Variants in CHRM3 observed in about 807,000 individuals in gnomAD.
The protein encoded by CHRM3 is cholinergic receptor muscarinic 3.
In CHRM3, 11 loss-of-function variants were observed where a neutral mutation model predicts 41.8. That is an observed-to-expected ratio of 0.26 (90% CI 0.17 to 0.44). The LOEUF (loss-of-function observed/expected upper bound fraction) is 0.44. Among genes scored for constraint, CHRM3 ranks in the 20% least tolerant of loss-of-function variants. CHRM3 has a pLI of 1.00. For missense variants in CHRM3, 571 were observed against 745.4 expected (o/e 0.77, Z 2.72); for synonymous variants, 297 against 301.4 (o/e 0.99, Z 0.15).
chr1:239,790,319 C>T (rs1237479686), intron 5 of CHRM3, among the ~76,000 whole-genome samples: 2 of 152,130 alleles, frequency 1.3e-5, no homozygotes, highest in African/African-American at 2.4e-5. Flanking sequence ...TGTGTCGCCA[C>T]CAAATTCTCA....
chr1:239,544,138 T>C (rs1017893769), intron 2 of CHRM3, among the ~76,000 whole-genome samples: 1 of 152,236 alleles, frequency 6.6e-6, no homozygotes, highest in Non-Finnish European at 1.5e-5. Flanking sequence ...CTGCTTTTTC[T>C]GCAGAGTAAA....
At chr1:239,843,827 T>C (rs1460738275) in intron 6 of CHRM3, among the ~76,000 whole-genome samples, 1 of 152,036 alleles carries the variant, frequency 6.6e-6, no homozygotes, top group Non-Finnish European at 1.5e-5. Context: ...TTAGAGGAGA[T>C]TGTTTGCCAA....
intron 2 of CHRM3, among the ~76,000 whole-genome samples, chr1:239,510,579 C>T (rs543651413): frequency 1.3e-5 from 2 of 151,736 alleles, no homozygotes; most frequent in East Asian, 3.9e-4. Flanking sequence ...TCTTGTTGCC[C>T]AGGTTGGAGT....
At chr1:239,432,994 T>G (rs1662946818) in intron 1 of CHRM3, among the ~76,000 whole-genome samples, 1 of 152,182 alleles carries the variant, frequency 6.6e-6, no homozygotes, top group Non-Finnish European at 1.5e-5. Flanking sequence ...CCCTACAACT[T>G]TAGCTATCAC....
chr1:239,800,562 T>C (rs1292575664), intron 5 of CHRM3, among the ~76,000 whole-genome samples: 6 of 152,208 alleles, frequency 3.9e-5, no homozygotes, highest in Admixed American at 3.9e-4. Context: ...AGAACAGTTC[T>C]GAGCCTGTTG....
chr1:239,661,778 A>G (rs1225044604), intron 4 of CHRM3, among the ~76,000 whole-genome samples: 5 of 152,182 alleles, frequency 3.3e-5, no homozygotes, highest in African/African-American at 4.8e-5. Context: ...AATGTACAAC[A>G]CGGAGAGTGA....
chr1:239,437,358 T>G (rs1341513633), intron 1 of CHRM3, among the ~76,000 whole-genome samples: 1 of 152,048 alleles, frequency 6.6e-6, no homozygotes, highest in Non-Finnish European at 1.5e-5. Flanking sequence ...TCCCAAAGTG[T>G]TGGGATTATA....
intron 5 of CHRM3, among the ~76,000 whole-genome samples, chr1:239,690,803 G>A (rs1659641723): frequency 6.6e-6 from 1 of 151,794 alleles, no homozygotes; most frequent in Non-Finnish European, 1.5e-5. Flanking sequence ...GTGATATGTA[G>A]TGGCTGAAAA....
intron 5 of CHRM3, among the ~76,000 whole-genome samples, chr1:239,731,323 G>A (rs778454782): frequency 1.3e-3 from 195 of 152,020 alleles, no homozygotes; most frequent in Non-Finnish European, 2.2e-3. Context: ...GGTAGAGGAG[G>A]AGAACATAGC....
chr1:239,595,592 C>A lies in CHRM3; in HGVS notation c.-312-36632C>A, dbSNP rs1351320930. Among the ~76,000 whole-genome samples the A allele has an allele frequency of 2.0e-5, 3 of 152,230 alleles. No individual in the cohort carries two copies. The East Asian group carries it at 5.8e-4, about 29-fold the overall frequency. ...GTGTTATAATAGCATTTTCTAACTTCTCTTTCAATTATCCAATTTGCCAAG... is the reference window on the plus strand; with the variant it reads ...GTGTTATAATAGCATTTTCTAACTTATCTTTCAATTATCCAATTTGCCAAG... On this transcript the variant is annotated intron_variant, in intron 3 of 6. Transcript: ENST00000676153.
In CHRM3 at chr1:239,458,073, A is replaced by G. The variant is rs577568368; in HGVS notation, c.-520-34636A>G. Reference sequence around the variant, plus strand: ...CTGAAGAATTGTAGCTGAAGAAAAAAAAAAGTGTTATCAAGAAGCTTACAT... The same window carrying G: ...CTGAAGAATTGTAGCTGAAGAAAAAGAAAAGTGTTATCAAGAAGCTTACAT... On this transcript the variant is annotated intron_variant, in intron 1 of 6. Transcript: ENST00000676153. Among the ~76,000 whole-genome samples, 22 of 152,314 alleles carry G rather than the reference A, an allele frequency of 1.4e-4. No individual in the cohort carries two copies. In the South Asian group the frequency reaches 4.6e-3, roughly 32 times the overall value.
At chr1:239,744,449 T>C (rs1315160599) in intron 5 of CHRM3, among the ~76,000 whole-genome samples, 4 of 152,028 alleles carry the variant, frequency 2.6e-5, no homozygotes, top group African/African-American at 9.7e-5. Flanking sequence ...GAGGTGATGG[T>C]TGAGCAACAA....
intron 5 of CHRM3, among the ~76,000 whole-genome samples, chr1:239,694,773 A>T (rs188340484): frequency 1.3e-5 from 2 of 152,310 alleles, no homozygotes; most frequent in Admixed American, 1.3e-4. Context: ...TATCACACTA[A>T]TCTTAATCTG....
At chr1:239,548,038 C>G (rs140513696) in intron 3 of CHRM3, among the ~76,000 whole-genome samples, 1 of 152,046 alleles carries the variant, frequency 6.6e-6, no homozygotes, top group African/African-American at 2.4e-5. Flanking sequence ...AAATGTTTCA[C>G]AAAGTGATGG....
In CHRM3 at chr1:239,913,668, C is replaced by T. The variant is rs1680486171; in HGVS notation, c.*4444C>T. 6.0e-6 allele frequency: 1 copy of T among 166,970 alleles called. No individual in the cohort carries two copies. The highest frequency in any genetic ancestry group is 1.9e-4 in the East Asian group (1 of 5,182). 10.3% of individuals were successfully genotyped at this position (166,970 alleles called of 1,614,324 possible). A position where few individuals can be genotyped will look rare whatever the true frequency, so the allele number is the denominator to read the frequency against. On this transcript the variant is annotated 3_prime_UTR_variant, in exon 7 of 7. Transcript: ENST00000676153. ...CCTTTTCTGGCTTTAGTGTTAATGT[C>T]TGGGAAGGGAGGCTCATGATAAGAA...
intron 5 of CHRM3, among the ~76,000 whole-genome samples, chr1:239,743,055 A>G (rs1387246087): frequency 2.0e-5 from 3 of 152,160 alleles, no homozygotes; most frequent in African/African-American, 7.2e-5. Context: ...GCCCAAAGTA[A>G]AACTACTCAG....
At chr1:239,629,055 G>A (rs1238896459) in intron 3 of CHRM3, 4 of 82,864 alleles carry the variant, frequency 4.8e-5, no homozygotes, top group African/African-American at 2.1e-4. Flanking sequence ...TGGCTGCTTT[G>A]TTTACCTAAG....
intron 5 of CHRM3, among the ~76,000 whole-genome samples, chr1:239,715,151 G>C (rs1662210518): frequency 6.6e-6 from 1 of 152,074 alleles, no homozygotes; most frequent in African/African-American, 2.4e-5. Context: ...TATCAACTAT[G>C]AGTTACTGAT....
At chr1:239,438,477 C>G (rs766820658) in intron 1 of CHRM3, among the ~76,000 whole-genome samples, 7 of 152,218 alleles carry the variant, frequency 4.6e-5, no homozygotes, top group Non-Finnish European at 1.0e-4. Flanking sequence ...TCTGCTTTAT[C>G]TTGGTGTGCT....
Sources: gnomAD v4.1 joint callset for allele counts (sites outside exome capture counted in the v4.1 genomes callset) on GRCh38, gnomAD v4.1.1 for gene constraint, MANE v1.5 for transcripts, NCBI Gene and HGNC (gene_info 2026-07-23, HGNC 2026-07-21) for gene names.